The following BABAM2 variants were observed in gnomAD, a reference collection of about 807,000 sequenced individuals.
BABAM2 encodes BRISC and BRCA1-A complex member 2.
In BABAM2, 31 loss-of-function variants were observed where a neutral mutation model predicts 54.7. That is an observed-to-expected ratio of 0.57 (90% CI 0.43 to 0.77). BABAM2 has a LOEUF of 0.77. Ranked by LOEUF, BABAM2 falls within the 30% of genes least tolerant of loss-of-function variation. BABAM2 has a pLI of 0.00. For missense variants in BABAM2, 364 were observed against 455.8 expected (o/e 0.80, Z 1.83); for synonymous variants, 167 against 162.9 (o/e 1.03, Z -0.19).
At chr2:28,119,082 A>G (rs906001059) in intron 6 of BABAM2, among the ~76,000 whole-genome samples, 1 of 152,086 alleles carries the variant, frequency 6.6e-6, no homozygotes, top group Non-Finnish European at 1.5e-5. Context: ...ATTGGTCTGT[A>G]TGTCTGTTTT....
intron 3 of BABAM2, among the ~76,000 whole-genome samples, chr2:27,956,525 C>G (rs190431949): frequency 2.3e-4 from 35 of 152,162 alleles, no homozygotes; most frequent in Non-Finnish European, 2.5e-4. Context: ...TGCCGATGAC[C>G]CACACAGTAG....
At chr2:28,082,223 A>G (rs1573541855) in intron 6 of BABAM2, among the ~76,000 whole-genome samples, 2 of 152,360 alleles carry the variant, frequency 1.3e-5, no homozygotes, top group Admixed American at 1.3e-4. Context: ...TTAGGTTAAA[A>G]GTGTTGCATT....
At chr2:28,062,670 C>G (rs1203081036) in intron 6 of BABAM2, among the ~76,000 whole-genome samples, 1 of 151,912 alleles carries the variant, frequency 6.6e-6, no homozygotes, top group Non-Finnish European at 1.5e-5. Context: ...AAGGCATTAT[C>G]AGCTCACATC....
At chr2:28,212,094 T>C (rs1459738947) in intron 7 of BABAM2, among the ~76,000 whole-genome samples, 1 of 152,238 alleles carries the variant, frequency 6.6e-6, no homozygotes, top group African/African-American at 2.4e-5. Context: ...ATGTCCTATA[T>C]TCTAGAAGTT....
At chr2:28,217,839 C>T (rs750596935) in intron 7 of BABAM2, among the ~76,000 whole-genome samples, 10 of 152,138 alleles carry the variant, frequency 6.6e-5, no homozygotes, top group Non-Finnish European at 1.2e-4. Context: ...TGAAAAAAAT[C>T]ACCTAGCCAG....
intron 7 of BABAM2, among the ~76,000 whole-genome samples, chr2:28,139,870 A>G (rs1242508951): frequency 1.3e-5 from 2 of 152,188 alleles, no homozygotes; most frequent in Non-Finnish European, 2.9e-5. Flanking sequence ...ATCTCTAAAC[A>G]GGACTGGTAA....
rs182593016 is a variant in BABAM2 at position 28,320,302 on chromosome 2, G to A, written c.1089-18148G>A. ...ACAAGAAGGAATGAAGTTTGTTCCT[G>A]TTGTGAGACCCAAATGTGCAGAGCA... On this transcript the variant is annotated intron_variant, in intron 11 of 11. Coordinates refer to ENST00000379624, the MANE Select transcript of BABAM2 (RefSeq NM_199191.3). Among the ~76,000 whole-genome samples the A allele has an allele frequency of 1.3e-3, 204 of 152,362 alleles. 2 individuals carry two copies. The highest frequency in any genetic ancestry group is 4.6e-3 in the African/African-American group (192 of 41,588).
intron 7 of BABAM2, among the ~76,000 whole-genome samples, chr2:28,231,973 A>G (rs994417641): frequency 6.6e-6 from 1 of 151,438 alleles, no homozygotes; most frequent in Admixed American, 6.6e-5. Context: ...ATGCCTGGCT[A>G]ATTTTTAATT....
chr2:28,333,939 A>G (rs1691185342), intron 11 of BABAM2, among the ~76,000 whole-genome samples: 1 of 152,242 alleles, frequency 6.6e-6, no homozygotes, highest in Admixed American at 6.5e-5. Context: ...TCTCTGATAA[A>G]AAGTGAAATA....
In BABAM2 at chr2:28,251,498, C is replaced by G. The variant is rs542224218; in HGVS notation, c.934+6636C>G. 2.2e-4 allele frequency among the ~76,000 whole-genome samples: 33 copies of G among 152,310 alleles called. No homozygotes were observed. In the South Asian group the frequency reaches 6.8e-3, roughly 32 times the overall value. Reference sequence around the variant, plus strand: ...TATTTGCATTGATGTCGCACTGTCACCTCACCACTAAAACACAAAGCTGTC... The same window carrying G: ...TATTTGCATTGATGTCGCACTGTCAGCTCACCACTAAAACACAAAGCTGTC... On this transcript the variant is annotated intron_variant, in intron 10 of 11. Transcript: ENST00000379624.
chr2:28,308,258 GC>G (rs1688736492), intron 11 of BABAM2: 1 of 401,500 alleles, frequency 2.5e-6, no homozygotes, highest in African/African-American at 2.1e-5. Context: ...GGTGTCCACA[GC>G]CACAAAAAGA....
intron 5 of BABAM2, among the ~76,000 whole-genome samples, chr2:28,030,452 C>A (rs911588351): frequency 6.6e-6 from 1 of 152,080 alleles, no homozygotes; most frequent in Non-Finnish European, 1.5e-5. Context: ...GCAGACCAGG[C>A]CTAGGGAAGG....
At position 28,139,321 on chromosome 2, in the gene BABAM2, C is replaced by CAAAAAAAAAAAAAAA. The variant is rs768755922; in HGVS notation, c.680+9951_680+9965dup. 9.9e-4 allele frequency among the ~76,000 whole-genome samples: 86 copies of CAAAAAAAAAAAAAAA among 86,978 alleles called. 2 individuals carry two copies. Among genetic ancestry groups the CAAAAAAAAAAAAAAA allele is most frequent in the East Asian group, 3.1e-3 (7 of 2,290 alleles). 57.1% of individuals were successfully genotyped at this position (86,978 alleles called of 152,430 possible). ...GGGCGACAAGAGTGAAACTCCGTCTCAAAAAAAAAAAAAAAAAAAAAAAAG... is the reference window on the plus strand; with the variant it reads ...GGGCGACAAGAGTGAAACTCCGTCTCAAAAAAAAAAAAAAAAAAAAAAAAAAAAAAAAAAAAAAAG... On this transcript the variant is annotated intron_variant, in intron 7 of 11. Transcript: ENST00000379624.
At chr2:27,958,690 T>C (rs1187269251) in intron 3 of BABAM2, among the ~76,000 whole-genome samples, 1 of 152,022 alleles carries the variant, frequency 6.6e-6, no homozygotes, top group East Asian at 1.9e-4. Flanking sequence ...GTATTGAAGA[T>C]GGTATAGATG....
chr2:28,184,775 A>G (rs1676102921), intron 7 of BABAM2, among the ~76,000 whole-genome samples: 2 of 152,218 alleles, frequency 1.3e-5, no homozygotes, highest in South Asian at 4.1e-4. Context: ...TAGTGCCACA[A>G]TAAACATACA....
chr2:28,057,572 C>T lies in BABAM2; in HGVS notation c.570+11773C>T, dbSNP rs576353673. Among the ~76,000 whole-genome samples the T allele has an allele frequency of 1.8e-4, 27 of 152,178 alleles. No homozygotes were observed. The South Asian group carries it at 5.6e-3, about 32-fold the overall frequency. The stretch of plus-strand genomic sequence containing the variant: ...CCCACATCTTAAAGGTGCCACCTGG[C>T]ACCTGACAGGTTGTGCCGGTTTGTT... On this transcript the variant is annotated intron_variant, in intron 6 of 11. Coordinates refer to ENST00000379624, the MANE Select transcript of BABAM2 (RefSeq NM_199191.3).
At chr2:27,914,734 A>C (rs1220843226) in intron 2 of BABAM2, among the ~76,000 whole-genome samples, 2 of 152,226 alleles carry the variant, frequency 1.3e-5, no homozygotes, top group African/African-American at 4.8e-5. Context: ...GTCATGTAAT[A>C]AAGCTAAGTA....
At chr2:28,269,183 C>G (rs1395242133) in intron 10 of BABAM2, among the ~76,000 whole-genome samples, 3 of 152,182 alleles carry the variant, frequency 2.0e-5, no homozygotes, top group Non-Finnish European at 4.4e-5. Flanking sequence ...TAATGGTTGC[C>G]AGCCCTGATC....
intron 4 of BABAM2, among the ~76,000 whole-genome samples, chr2:28,012,636 C>T (rs1031045629): frequency 6.6e-6 from 1 of 152,156 alleles, no homozygotes; most frequent in African/African-American, 2.4e-5. Flanking sequence ...TAGTACTCTT[C>T]ACGGTGCTTA....
Sources: gnomAD v4.1 joint callset for allele counts (sites outside exome capture counted in the v4.1 genomes callset) on GRCh38, gnomAD v4.1.1 for gene constraint, MANE v1.5 for transcripts, NCBI Gene and HGNC (gene_info 2026-07-23, HGNC 2026-07-21) for gene names.